Variants in BMPR1B observed in about 807,000 individuals in gnomAD.
BMPR1B encodes the protein bone morphogenetic protein receptor type-1B.
In BMPR1B, 12 loss-of-function variants were observed where a neutral mutation model predicts 59.1. The ratio of observed to expected loss-of-function variants is 0.20; its 90% CI spans 0.13 to 0.33. BMPR1B has a LOEUF of 0.33. Ranked by LOEUF, BMPR1B falls within the 10% of genes least tolerant of loss-of-function variation. BMPR1B has a pLI of 1.00. For synonymous variants in BMPR1B, 237 were observed against 207.3 expected (o/e 1.14, Z -1.23); for missense variants, 550 against 610.9 (o/e 0.90, Z 1.05).
chr4:94,840,411 G>T (rs1725009575), intron 1 of BMPR1B, among the ~76,000 whole-genome samples: 1 of 148,142 alleles, frequency 6.8e-6, no homozygotes. Flanking sequence ...ATCAGATGTA[G>T]ATTTGGTCTT....
intron 1 of BMPR1B, among the ~76,000 whole-genome samples, chr4:94,763,554 T>G (rs955023459): frequency 1.3e-5 from 2 of 152,224 alleles, no homozygotes; most frequent in African/African-American, 4.8e-5. Context: ...TTGTATTTAC[T>G]TATCGGCTAA....
At chr4:94,942,228 T>G (rs888566273) in intron 2 of BMPR1B, among the ~76,000 whole-genome samples, 1 of 152,228 alleles carries the variant, frequency 6.6e-6, no homozygotes, top group Non-Finnish European at 1.5e-5. Context: ...GCATGAGGAT[T>G]CAATGAAAGA....
intron 10 of BMPR1B, among the ~76,000 whole-genome samples, chr4:95,134,186 T>C (rs897203175): frequency 2.6e-5 from 4 of 152,210 alleles, no homozygotes; most frequent in Non-Finnish European, 4.4e-5. Flanking sequence ...TCCATGTCCC[T>C]ACAAAGAATA....
chr4:95,123,338 T>A (rs1732660271), intron 6 of BMPR1B, among the ~76,000 whole-genome samples: 1 of 152,188 alleles, frequency 6.6e-6, no homozygotes, highest in African/African-American at 2.4e-5. Context: ...TTTTATCCAC[T>A]ATAAGATGAC....
chr4:94,798,691 G>A (rs1455307191), intron 1 of BMPR1B, among the ~76,000 whole-genome samples: 1 of 152,190 alleles, frequency 6.6e-6, no homozygotes, highest in Non-Finnish European at 1.5e-5. Flanking sequence ...GTCAGGCAGA[G>A]GTGCAGAAAG....
intron 3 of BMPR1B, among the ~76,000 whole-genome samples, chr4:94,998,986 G>A (rs1480911016): frequency 6.6e-6 from 1 of 151,988 alleles, no homozygotes; most frequent in Admixed American, 6.6e-5. Context: ...TATCATTTAT[G>A]CTGTTCTATC....
chr4:94,922,021 C>G (rs1414047292), intron 2 of BMPR1B, among the ~76,000 whole-genome samples: 2 of 151,996 alleles, frequency 1.3e-5, no homozygotes, highest in African/African-American at 2.4e-5. Flanking sequence ...GCTCTGTCAC[C>G]CAGGCTGGAG....
In BMPR1B at chr4:95,091,281, G is replaced by T. The variant is rs542107912; in HGVS notation, c.-17-13127G>T. On this transcript the variant is annotated intron_variant, in intron 3 of 12. Transcript: ENST00000515059. ...TCTTTTTTTCTTTTCTTTTTTTTTT[G>T]TTTTGTTTTGTTTTGTTTTGTTTTT... Among the ~76,000 whole-genome samples, 76 of 138,712 alleles carry T rather than the reference G, an allele frequency of 5.5e-4. No homozygotes were observed. In the South Asian group the frequency reaches 6.6e-3, roughly 12 times the overall value. The allele number at this position is 138,712 out of a possible 152,430, so 91.0% of individuals were successfully genotyped here.
At chr4:94,798,811 T>G (rs2110617786) in intron 1 of BMPR1B, among the ~76,000 whole-genome samples, 1 of 152,154 alleles carries the variant, frequency 6.6e-6, no homozygotes. Context: ...TCCTGAAGGC[T>G]TCTTTTCTCT....
At position 95,143,004 on chromosome 4, in the gene BMPR1B, A is replaced by G. The variant is rs181544895; in HGVS notation, c.1077-5744A>G. On this transcript the variant is annotated intron_variant, in intron 10 of 12. Coordinates refer to ENST00000515059, the MANE Select transcript of BMPR1B (RefSeq NM_001203.3). ...TTTGCCTGCCCTCATTTAATGCATG[A>G]TAGTCAAGAGCTTAAGGCATGCACT... Among the ~76,000 whole-genome samples the G allele has an allele frequency of 2.7e-3, 418 of 152,112 alleles. 3 individuals carry two copies. Among genetic ancestry groups the G allele is most frequent in the African/African-American group, 8.7e-3 (361 of 41,484 alleles).
At chr4:94,761,872 G>C (rs1430792023) in intron 1 of BMPR1B, among the ~76,000 whole-genome samples, 2 of 152,130 alleles carry the variant, frequency 1.3e-5, no homozygotes, top group East Asian at 3.9e-4. Context: ...GATATGTATA[G>C]GCAGGCCAGA....
intron 2 of BMPR1B, among the ~76,000 whole-genome samples, chr4:94,930,925 C>T (rs1729072972): frequency 6.6e-6 from 1 of 151,896 alleles, no homozygotes; most frequent in Admixed American, 6.6e-5. Context: ...AAACTTTACC[C>T]CATCTTTTGT....
intron 2 of BMPR1B, among the ~76,000 whole-genome samples, chr4:94,968,464 T>C (rs1730643573): frequency 1.3e-5 from 2 of 152,226 alleles, no homozygotes; most frequent in South Asian, 4.1e-4. Flanking sequence ...AAAATATGTT[T>C]ATTTAACAAT....
chr4:94,879,234 T>C (rs189806923), intron 2 of BMPR1B, among the ~76,000 whole-genome samples: 1 of 152,348 alleles, frequency 6.6e-6, no homozygotes, highest in East Asian at 1.9e-4. Flanking sequence ...CTATGCTCTT[T>C]AGCAGTACCT....
At chr4:94,868,434 G>A (rs1405268349) in intron 1 of BMPR1B, among the ~76,000 whole-genome samples, 1 of 152,194 alleles carries the variant, frequency 6.6e-6, no homozygotes, top group Admixed American at 6.5e-5. Context: ...GCCTCCCAAA[G>A]TGCTGAGATT....
chr4:94,794,613 A>G (rs1376371111), intron 1 of BMPR1B, among the ~76,000 whole-genome samples: 1 of 143,592 alleles, frequency 7.0e-6, no homozygotes, highest in East Asian at 2.0e-4. Context: ...CTTGGGCAGT[A>G]TGGCCACTTT....
chr4:94,962,004 C>G (rs1730371872), intron 2 of BMPR1B, among the ~76,000 whole-genome samples: 1 of 151,916 alleles, frequency 6.6e-6, no homozygotes, highest in Non-Finnish European at 1.5e-5. Context: ...TAACTATAGT[C>G]ACCTTATTGT....
At chr4:95,134,631 T>A (rs1465941599) in intron 10 of BMPR1B, among the ~76,000 whole-genome samples, 1 of 152,236 alleles carries the variant, frequency 6.6e-6, no homozygotes, top group East Asian at 1.9e-4. Context: ...ATGATGAGCA[T>A]TTTTTCATGT....
At position 94,949,358 on chromosome 4, in the gene BMPR1B, G is replaced by A. The variant is rs1188469269; in HGVS notation, c.-112-46682G>A. 1.3e-3 allele frequency among the ~76,000 whole-genome samples: 76 copies of A among 60,406 alleles called. 14 individuals are homozygous for A. Among genetic ancestry groups the A allele is most frequent in the African/African-American group, 5.7e-3 (67 of 11,712 alleles). The allele number at this position is 60,406 out of a possible 152,430, so 39.6% of individuals were successfully genotyped here. Reference sequence around the variant, plus strand: ...GGAGTCTCGCTCTGTCGCCCAGGCCGGACTGCGGACTGCAGTGGCGCAATC... The same window carrying A: ...GGAGTCTCGCTCTGTCGCCCAGGCCAGACTGCGGACTGCAGTGGCGCAATC... On this transcript the variant is annotated intron_variant, in intron 2 of 12. Transcript: ENST00000515059.
Sources: allele counts gnomAD v4.1 joint callset (sites outside exome capture counted in the v4.1 genomes callset), GRCh38; gene constraint gnomAD v4.1.1; transcripts MANE v1.5; gene names NCBI Gene and HGNC (gene_info 2026-07-23, HGNC 2026-07-21).